The following ADAMTS20 variants were observed in gnomAD, a reference collection of about 807,000 sequenced individuals.
The protein encoded by ADAMTS20 is ADAM metallopeptidase with thrombospondin type 1 motif 20.
ADAMTS20 carries 225 observed loss-of-function variants against 260.1 expected under a neutral mutation model. The observed-to-expected ratio is 0.87, with a 90% confidence interval of 0.78 to 0.97. The LOEUF (loss-of-function observed/expected upper bound fraction) is 0.97. ADAMTS20 is among the 50% of genes least tolerant of loss of function. The pLI, the probability that ADAMTS20 is intolerant of heterozygous loss-of-function variation, is 0.00. For synonymous variants in ADAMTS20, 802 were observed against 769.5 expected (o/e 1.04, Z -0.70); for missense variants, 2,400 against 2,337.7 (o/e 1.03, Z -0.55).
chr12:43,495,391 T>C (rs533634067), intron 4 of ADAMTS20, among the ~76,000 whole-genome samples: 4 of 152,290 alleles, frequency 2.6e-5, no homozygotes, highest in Non-Finnish European at 5.9e-5. Context: ...TAGGCTACTA[T>C]AAGGATTAAA....
At chr12:43,419,720 A>T (rs770378277) in intron 28 of ADAMTS20, among the ~76,000 whole-genome samples, 6 of 151,984 alleles carry the variant, frequency 3.9e-5, no homozygotes, top group Non-Finnish European at 8.8e-5. Flanking sequence ...TTCACTCAAC[A>T]TTATAACACA....
At chr12:43,407,545 A>G (rs142980351) in intron 28 of ADAMTS20, among the ~76,000 whole-genome samples, 28 of 151,966 alleles carry the variant, frequency 1.8e-4, no homozygotes, top group African/African-American at 6.3e-4. Flanking sequence ...TTTCACTTTC[A>G]AATATAAAAC....
At chr12:43,542,184 A>C (rs1416740351) in intron 2 of ADAMTS20, among the ~76,000 whole-genome samples, 1 of 152,228 alleles carries the variant, frequency 6.6e-6, no homozygotes, top group Non-Finnish European at 1.5e-5. Context: ...AGTGGTCCTC[A>C]GATGGCCTCT....
intron 5 of ADAMTS20, 120 bp downstream of exon 5, chr12:43,493,050 A>C (rs1038224276): frequency 1.4e-5 from 10 of 722,186 alleles, no homozygotes; most frequent in Non-Finnish European, 2.1e-5. Flanking sequence ...ATTCCTTCTC[A>C]AATCAAGTCT....
At chr12:43,450,530 T>C (rs1420181123) in intron 14 of ADAMTS20, among the ~76,000 whole-genome samples, 1 of 152,158 alleles carries the variant, frequency 6.6e-6, no homozygotes, top group Non-Finnish European at 1.5e-5. Context: ...CTGAATAACC[T>C]TTTCAGTATT....
chr12:43,365,042 C>T (rs1939953709), intron 37 of ADAMTS20, among the ~76,000 whole-genome samples: 1 of 151,792 alleles, frequency 6.6e-6, no homozygotes, highest in Admixed American at 6.6e-5. Context: ...TCCATGGAAC[C>T]CAATAAGATA....
intron 7 of ADAMTS20, 84 bp from the exon 8 acceptor site, chr12:43,468,789 T>C (rs1286357074): frequency 4.0e-6 from 3 of 752,972 alleles, no homozygotes; most frequent in Admixed American, 2.8e-5. Context: ...CATTTAACCA[T>C]TGATGTTATT....
chr12:43,447,183 CA>C (rs61472345), intron 14 of ADAMTS20, among the ~76,000 whole-genome samples: 13 of 146,030 alleles, frequency 8.9e-5, no homozygotes, highest in Admixed American at 2.0e-4. Context: ...AGAGACACGA[CA>C]AAAAAAAAAG....
intron 3 of ADAMTS20, among the ~76,000 whole-genome samples, chr12:43,504,481 G>T (rs868471860): frequency 2.0e-5 from 3 of 152,060 alleles, no homozygotes; most frequent in African/African-American, 7.2e-5. Context: ...TTGACAAATT[G>T]TGCAGTCCTA....
intron 3 of ADAMTS20, among the ~76,000 whole-genome samples, chr12:43,522,304 G>A (rs1762976833): frequency 6.6e-6 from 1 of 152,176 alleles, no homozygotes; most frequent in Admixed American, 6.5e-5. Flanking sequence ...CATAAGGGAA[G>A]CCACTTCCAT....
intron 37 of ADAMTS20, among the ~76,000 whole-genome samples, chr12:43,358,542 T>C (rs1346984475): frequency 6.6e-6 from 1 of 152,044 alleles, no homozygotes; most frequent in Non-Finnish European, 1.5e-5. Context: ...CATATGTACC[T>C]AAAAAAAGTA....
chr12:43,526,371 T>A (rs1258186992), intron 3 of ADAMTS20, among the ~76,000 whole-genome samples: 1 of 152,038 alleles, frequency 6.6e-6, no homozygotes, highest in Admixed American at 6.6e-5. Flanking sequence ...GGCAGGAGAA[T>A]GGTGTGAACC....
At chr12:43,530,261 G>A (rs1346103524) in intron 3 of ADAMTS20, among the ~76,000 whole-genome samples, 1 of 152,000 alleles carries the variant, frequency 6.6e-6, no homozygotes, top group East Asian at 1.9e-4. Flanking sequence ...TATGTATTCA[G>A]AATATTACTT....
intron 28 of ADAMTS20, among the ~76,000 whole-genome samples, chr12:43,417,696 T>G (rs1400013631): frequency 6.6e-6 from 1 of 152,180 alleles, no homozygotes; most frequent in Admixed American, 6.5e-5. Context: ...GTGGCAAGGG[T>G]GATTCACTGG....
chr12:43,365,558 C>T (rs149049232), intron 37 of ADAMTS20, among the ~76,000 whole-genome samples: 25 of 151,920 alleles, frequency 1.6e-4, no homozygotes, highest in Admixed American at 1.3e-3. Context: ...AAGTCAAATC[C>T]ACAGGAAGAA....
chr12:43,501,473 G>GCACACACACACACACA (rs1198759318), intron 4 of ADAMTS20, among the ~76,000 whole-genome samples: 182 of 55,516 alleles, frequency 3.3e-3, no homozygotes, highest in Middle Eastern at 0.022. Context: ...GCGCGCGCGC[G>GCACACACACACACACA]CGCGCGCGCA....
chr12:43,429,875 A>ACTACAGTATC (rs1164848718), intron 23 of ADAMTS20, among the ~76,000 whole-genome samples, 151 bp from the exon 24 acceptor site: 6 of 152,318 alleles, frequency 3.9e-5, no homozygotes, highest in African/African-American at 1.4e-4. Context: ...AAAAGCACTA[A>ACTACAGTATC]CTACAGTATC....
intron 2 of ADAMTS20, among the ~76,000 whole-genome samples, chr12:43,543,172 T>C (rs1409951767): frequency 1.3e-5 from 2 of 151,678 alleles, no homozygotes; most frequent in Non-Finnish European, 2.9e-5. Context: ...ACTGGTCAGG[T>C]GTGGGGGGGT....
At chr12:43,441,659 T>G (rs1781167035) in intron 16 of ADAMTS20, among the ~76,000 whole-genome samples, 1 of 152,212 alleles carries the variant, frequency 6.6e-6, no homozygotes, top group African/African-American at 2.4e-5. Context: ...GTGTAATACC[T>G]AAAATTTTAC....
Sources: gnomAD v4.1 joint callset for allele counts (sites outside exome capture counted in the v4.1 genomes callset) on GRCh38, gnomAD v4.1.1 for gene constraint, MANE v1.5 for transcripts, NCBI Gene and HGNC (gene_info 2026-07-23, HGNC 2026-07-21) for gene names.